The following ANKDD1A variants were observed in gnomAD, a reference collection of about 807,000 sequenced individuals.
ANKDD1A encodes the protein ankyrin repeat and death domain containing 1A, also known as ankyrin repeat and death domain-containing protein 1A.
ANKDD1A carries 59 observed loss-of-function variants against 63.5 expected under a neutral mutation model. The ratio of observed to expected loss-of-function variants is 0.93; its 90% CI spans 0.75 to 1.15. The LOEUF (loss-of-function observed/expected upper bound fraction) is 1.15. Ranked by LOEUF, ANKDD1A falls within the 50% of genes most tolerant of loss-of-function variation. The pLI is 0.00. For synonymous variants in ANKDD1A, 266 were observed against 263.9 expected, an observed-to-expected ratio of 1.01 and a Z score of -0.08; for missense variants, 632 against 656.4, an observed-to-expected ratio of 0.96 and a Z score of 0.41.
chr15:64,924,091 A>G (rs1410688633), intron 4 of ANKDD1A, among the ~76,000 whole-genome samples: 3 of 152,192 alleles, frequency 2.0e-5, no homozygotes, highest in Admixed American at 1.3e-4. Flanking sequence ...GGGCTCACCT[A>G]CAAGGCTGCA....
Position 64,950,497 on chromosome 15 carries a change from C to CTAAT in ANKDD1A, c.1483+526_1483+529dup, listed in dbSNP as rs2085261070. ...ACAAGCAGGATAGAAGGTTCTAGTA[C>CTAAT]TAATCCCTCATTAAAAACAAAATCA... On this transcript the variant is annotated intron_variant, in intron 14 of 14. Transcript: ENST00000319580. The CTAAT allele has an allele frequency of 1.0e-5, 10 of 985,404 alleles. No homozygotes were observed. In the South Asian group the frequency reaches 3.3e-4, roughly 32 times the overall value. The allele number at this position is 985,404 out of a possible 1,614,324, so 61.0% of individuals were successfully genotyped here.
At chr15:64,956,859 G>A (rs2085421699) in intron 14 of ANKDD1A, among the ~76,000 whole-genome samples, 1 of 151,960 alleles carries the variant, frequency 6.6e-6, no homozygotes, top group South Asian at 2.1e-4. Flanking sequence ...AGCCATTTTT[G>A]GATTCTTAAA....
At chr15:64,942,342 C>T (rs920173238) in intron 9 of ANKDD1A, 125 bp from the exon 10 acceptor site, 1 of 609,248 alleles carries the variant, frequency 1.6e-6, no homozygotes, top group Admixed American at 3.7e-5. Flanking sequence ...CCATGTCATC[C>T]AAGAAGCTAA....
chr15:64,930,443 C>G (rs1595850224), intron 6 of ANKDD1A, among the ~76,000 whole-genome samples: 1 of 152,024 alleles, frequency 6.6e-6, no homozygotes, highest in African/African-American at 2.4e-5. Context: ...GAGAAACTAA[C>G]GTCTCACACA....
At chr15:64,954,881 C>T (rs2085400793) in intron 14 of ANKDD1A, among the ~76,000 whole-genome samples, 1 of 135,312 alleles carries the variant, frequency 7.4e-6, no homozygotes, top group Non-Finnish European at 1.6e-5. Flanking sequence ...CTTCTTCCTT[C>T]TCCTCCTCCT....
At chr15:64,926,291 C>CT (rs2085045980) in intron 5 of ANKDD1A, 121 bp downstream of exon 5, 2 of 1,001,980 alleles carry the variant, frequency 2.0e-6, no homozygotes, top group Admixed American at 4.4e-5. Context: ...CATATTGCAC[C>CT]TGGCCTGGGG....
At chr15:64,922,950 A>C (rs2085018222) in intron 4 of ANKDD1A, among the ~76,000 whole-genome samples, 1 of 152,236 alleles carries the variant, frequency 6.6e-6, no homozygotes, top group African/African-American at 2.4e-5. Flanking sequence ...TTACATTGAA[A>C]TTATGGCAGT....
At chr15:64,934,301 C>A in intron 9 of ANKDD1A, 67 bp downstream of exon 9, 1 of 1,467,360 alleles carries the variant, frequency 6.8e-7, no homozygotes, top group Non-Finnish European at 9.4e-7. Flanking sequence ...ACTGATGAAG[C>A]ACAGGGAGAA....
chr15:64,948,110 C>T (rs2085238085), intron 13 of ANKDD1A, among the ~76,000 whole-genome samples: 1 of 152,112 alleles, frequency 6.6e-6, no homozygotes. Flanking sequence ...AATATACTAA[C>T]ACCACAGAAC....
At chr15:64,949,129 C>T (rs2085248710) in intron 13 of ANKDD1A, among the ~76,000 whole-genome samples, 1 of 152,226 alleles carries the variant, frequency 6.6e-6, no homozygotes, top group Non-Finnish European at 1.5e-5. Flanking sequence ...ACCTGATGGG[C>T]GTGGCCCAGC....
intron 14 of ANKDD1A, among the ~76,000 whole-genome samples, chr15:64,954,031 TTC>T (rs2085370877): frequency 4.3e-4 from 52 of 120,632 alleles, no homozygotes; most frequent in Admixed American, 1.2e-3. Flanking sequence ...CTTCTTTTCT[TTC>T]TTCTTCCTCT....
chr15:64,956,626 G>C (rs1424399828), intron 14 of ANKDD1A, among the ~76,000 whole-genome samples: 1 of 152,174 alleles, frequency 6.6e-6, no homozygotes, highest in Admixed American at 6.5e-5. Flanking sequence ...TGTGATCTTG[G>C]CTCACTGCAA....
intron 8 of ANKDD1A, 67 bp from the exon 9 acceptor site, chr15:64,934,069 G>C (rs181026977): frequency 4.5e-6 from 6 of 1,336,274 alleles, no homozygotes; most frequent in Non-Finnish European, 5.2e-6. Context: ...AATGAATCTC[G>C]AAGAGCTTTG....
chr15:64,943,858 ACC>A, intron 11 of ANKDD1A: 1 of 449,248 alleles, frequency 2.2e-6, no homozygotes, highest in Non-Finnish European at 4.1e-6. Flanking sequence ...TCAGACTGTG[ACC>A]TCCTGAGTCA....
intron 3 of ANKDD1A, among the ~76,000 whole-genome samples, chr15:64,920,894 A>G (rs1013518019): frequency 6.6e-6 from 1 of 152,186 alleles, no homozygotes; most frequent in Non-Finnish European, 1.5e-5. Flanking sequence ...CCAGTCCAGG[A>G]TAAGGTCTTC....
In ANKDD1A at chr15:64,934,115, T is replaced by C. The variant is rs368083281; in HGVS notation, c.769-21T>C. On this transcript the variant is annotated intron_variant, in intron 8 of 14. Transcript: ENST00000319580. ...TAGGAGGGGTCCTTGTGATAACGCA[T>C]TGATGCCTGTTTCCTTCTAGAAAAA... is the stretch of plus-strand genomic sequence containing the variant. The C allele has an allele frequency of 1.4e-5, 22 of 1,598,520 alleles. No individual in the cohort carries two copies. The African/African-American group carries it at 1.7e-4, about 13-fold the overall frequency.
intron 14 of ANKDD1A, among the ~76,000 whole-genome samples, chr15:64,952,866 T>C (rs1339314888): frequency 1.2e-4 from 6 of 49,676 alleles, no homozygotes; most frequent in Admixed American, 2.6e-4. Context: ...CCTTCTTCTT[T>C]TCTTCTCTTT....
chr15:64,952,669 T>TCTTCC (rs2090228425), intron 14 of ANKDD1A, among the ~76,000 whole-genome samples: 646 of 120,840 alleles, frequency 5.3e-3, no homozygotes, highest in Non-Finnish European at 9.5e-3. Flanking sequence ...TTCCCCTTCT[T>TCTTCC]CCTTCTTCTT....
At chr15:64,954,236 C>T (rs1430474063) in intron 14 of ANKDD1A, among the ~76,000 whole-genome samples, 3 of 122,586 alleles carry the variant, frequency 2.4e-5, no homozygotes, top group Non-Finnish European at 3.7e-5. Context: ...TCCTCTCCTT[C>T]GTCTTCTTAG....
Sources: allele counts gnomAD v4.1 joint callset (sites outside exome capture counted in the v4.1 genomes callset), GRCh38; gene constraint gnomAD v4.1.1; transcripts MANE v1.5; gene names NCBI Gene and HGNC (gene_info 2026-07-23, HGNC 2026-07-21).